Variants in RIMS1 observed in about 807,000 individuals in gnomAD.
RIMS1 encodes the protein regulating synaptic membrane exocytosis 1.
In RIMS1, 83 loss-of-function variants were observed where a neutral mutation model predicts 214.1. The observed-to-expected ratio is 0.39, with a 90% CI of 0.32 to 0.47. The LOEUF is 0.47. Ranked by LOEUF, RIMS1 falls within the 20% of genes least tolerant of loss-of-function variation. RIMS1 has a pLI of 0.99. For synonymous variants in RIMS1, 793 were observed against 786.8 expected, an observed-to-expected ratio of 1.01 and a Z score of -0.13; for missense variants, 2,050 against 2,161.8, an observed-to-expected ratio of 0.95 and a Z score of 1.03.
intron 6 of RIMS1, among the ~76,000 whole-genome samples, chr6:72,184,234 G>T (rs2048785453): frequency 6.6e-6 from 1 of 152,256 alleles, no homozygotes; most frequent in Admixed American, 6.5e-5. Flanking sequence ...GACACTAGAA[G>T]TGCTCCCAAG....
At chr6:72,058,249 A>G (rs1372326385) in intron 2 of RIMS1, among the ~76,000 whole-genome samples, 1 of 152,198 alleles carries the variant, frequency 6.6e-6, no homozygotes, top group Non-Finnish European at 1.5e-5. Flanking sequence ...ACTCATCACC[A>G]ATGAAACTCT....
intron 15 of RIMS1, among the ~76,000 whole-genome samples, chr6:72,251,961 G>T (rs950270412): frequency 6.6e-6 from 1 of 152,066 alleles, no homozygotes; most frequent in Non-Finnish European, 1.5e-5. Flanking sequence ...GATCCATCCG[G>T]CTCGGCCTCC....
chr6:72,360,556 T>G (rs2097780825), intron 29 of RIMS1, among the ~76,000 whole-genome samples: 1 of 152,030 alleles, frequency 6.6e-6, no homozygotes, highest in African/African-American at 2.4e-5. Context: ...TTAAATAACT[T>G]ACCAAAAGTC....
chr6:72,068,984 G>A (rs1006147508), intron 2 of RIMS1, among the ~76,000 whole-genome samples: 1 of 147,062 alleles, frequency 6.8e-6, no homozygotes, highest in Non-Finnish European at 1.5e-5. Context: ...AGCAAGCAGA[G>A]GAAGAGGAAA....
chr6:72,358,054 C>G (rs2154379788), intron 29 of RIMS1, among the ~76,000 whole-genome samples: 1 of 126,354 alleles, frequency 7.9e-6, no homozygotes, highest in African/African-American at 2.6e-5. Context: ...TCATTTTAAA[C>G]AGTATCACCA....
rs183191674 is a variant in RIMS1 at position 72,183,659 on chromosome 6, A to G, written c.1678+510A>G. Among the ~76,000 whole-genome samples the G allele has an allele frequency of 4.9e-3, 748 of 151,718 alleles. 5 individuals carry two copies. Among genetic ancestry groups the G allele is most frequent in the Non-Finnish European group, 8.5e-3 (581 of 67,960 alleles). On this transcript the variant is annotated intron_variant, in intron 6 of 33. Transcript: ENST00000521978. ...CTTGGACAATACGGATTTGAACTGC[A>G]TGGGTCCACTTATATATGGATGTTT...
chr6:71,987,284 CAT>C (rs1194825248), intron 2 of RIMS1, among the ~76,000 whole-genome samples: 3 of 152,146 alleles, frequency 2.0e-5, no homozygotes, highest in Non-Finnish European at 4.4e-5. Flanking sequence ...ATTTATTTCT[CAT>C]AGTTCTGGAG....
At chr6:72,252,459 G>A (rs1000640509) in intron 15 of RIMS1, among the ~76,000 whole-genome samples, 3 of 152,018 alleles carry the variant, frequency 2.0e-5, no homozygotes, top group African/African-American at 4.8e-5. Context: ...ACAATGTACT[G>A]TATATACTGT....
At chr6:72,166,305 T>A (rs1162523802) in intron 4 of RIMS1, among the ~76,000 whole-genome samples, 5 of 151,342 alleles carry the variant, frequency 3.3e-5, no homozygotes, top group African/African-American at 1.2e-4. Context: ...TGTCTGTTTT[T>A]TTTTTTTTTT....
intron 4 of RIMS1, among the ~76,000 whole-genome samples, chr6:72,104,650 G>A (rs1384114570): frequency 2.6e-5 from 4 of 152,176 alleles, no homozygotes; most frequent in Non-Finnish European, 4.4e-5. Context: ...ATCTTGCTGA[G>A]CATGGAGCAG....
intron 31 of RIMS1, among the ~76,000 whole-genome samples, chr6:72,393,451 G>A (rs1197635809): frequency 1.3e-5 from 2 of 152,162 alleles, no homozygotes; most frequent in Non-Finnish European, 2.9e-5. Flanking sequence ...CTTGCCGGGC[G>A]CTGTGGCTCA....
intron 23 of RIMS1, among the ~76,000 whole-genome samples, chr6:72,276,288 A>G (rs185999700): frequency 2.6e-4 from 39 of 152,338 alleles, no homozygotes; most frequent in South Asian, 8.3e-4. Flanking sequence ...AAACAAATAA[A>G]ATAGTAGATT....
intron 24 of RIMS1, among the ~76,000 whole-genome samples, chr6:72,288,102 T>C (rs559694026): frequency 1.3e-5 from 2 of 152,246 alleles, no homozygotes; most frequent in East Asian, 3.9e-4. Flanking sequence ...ACACAAACAA[T>C]CCTATCTCAC....
chr6:72,272,854 T>G (rs1370025541), intron 22 of RIMS1, among the ~76,000 whole-genome samples: 6 of 152,262 alleles, frequency 3.9e-5, no homozygotes, highest in Non-Finnish European at 7.4e-5. Context: ...ATTTTACAAC[T>G]ATTTCTTCAT....
chr6:72,102,584 G>A (rs983745863), intron 4 of RIMS1, among the ~76,000 whole-genome samples: 2 of 151,966 alleles, frequency 1.3e-5, no homozygotes, highest in African/African-American at 4.8e-5. Flanking sequence ...AAATAAATAT[G>A]CTTTTATAGA....
At chr6:72,308,571 CTA>C (rs1044936282) in intron 27 of RIMS1, among the ~76,000 whole-genome samples, 12 of 152,004 alleles carry the variant, frequency 7.9e-5, no homozygotes, top group African/African-American at 2.9e-4. Flanking sequence ...TATTCTGTGA[CTA>C]ATAAAAAAAT....
intron 4 of RIMS1, among the ~76,000 whole-genome samples, chr6:72,167,510 G>A (rs1407275501): frequency 1.3e-5 from 2 of 152,040 alleles, no homozygotes; most frequent in Non-Finnish European, 2.9e-5. Context: ...AAGTAAGATT[G>A]ATATCATTCG....
intron 1 of RIMS1, among the ~76,000 whole-genome samples, chr6:71,929,713 A>G (rs1480721429): frequency 8.6e-6 from 1 of 115,826 alleles, no homozygotes; most frequent in Non-Finnish European, 1.9e-5. Context: ...CCTAAATTAT[A>G]AAAAAACATT....
chr6:72,231,006 C>T (rs1172175041), intron 6 of RIMS1, among the ~76,000 whole-genome samples: 1 of 151,464 alleles, frequency 6.6e-6, no homozygotes, highest in African/African-American at 2.4e-5. Flanking sequence ...AAGCAAATAC[C>T]ATGAATTTAT....
Sources: gnomAD v4.1 joint callset for allele counts (sites outside exome capture counted in the v4.1 genomes callset) on GRCh38, gnomAD v4.1.1 for gene constraint, MANE v1.5 for transcripts, NCBI Gene and HGNC (gene_info 2026-07-23, HGNC 2026-07-21) for gene names.